The following SYNE1 variants were observed in gnomAD, a reference collection of about 807,000 sequenced individuals.
SYNE1 encodes nesprin-1.
SYNE1 carries 616 observed loss-of-function variants against 1,111.0 expected under a neutral mutation model. The ratio of observed to expected loss-of-function variants is 0.55; its 90% confidence interval spans 0.52 to 0.59. The LOEUF (loss-of-function observed/expected upper bound fraction) is 0.59. Ranked by LOEUF, SYNE1 falls within the 20% of genes least tolerant of loss-of-function variation. SYNE1 has a pLI of 0.00. For missense variants in SYNE1, 10,006 were observed against 10,417.0 expected, an observed-to-expected ratio of 0.96 and a Z score of 1.72; for synonymous variants, 3,855 against 3,825.8, an observed-to-expected ratio of 1.01 and a Z score of -0.28.
chr6:152,378,782 T>C (rs2154109968), intron 56 of SYNE1, among the ~76,000 whole-genome samples: 1 of 152,326 alleles, frequency 6.6e-6, no homozygotes, highest in East Asian at 1.9e-4. Context: ...CATCTGAGGA[T>C]ACACAGGACC....
At chr6:152,498,976 A>G (rs970034056) in intron 10 of SYNE1, among the ~76,000 whole-genome samples, 184 bp from the exon 11 acceptor site, 2 of 152,158 alleles carry the variant, frequency 1.3e-5, no homozygotes, top group African/African-American at 2.4e-5. Flanking sequence ...TTCAACTCCA[A>G]TAAGGCAACA....
rs1280048160 is a variant in SYNE1 at position 152,364,954 on chromosome 6, A to T, written c.10038T>A (p.Ser3346=). The T allele has an allele frequency of 4.3e-6, 7 of 1,614,242 alleles. No homozygotes were observed. Among genetic ancestry groups the T allele is most frequent in the African/African-American group, 1.3e-5 (1 of 75,068 alleles). The change falls in exon 63 of 146, where the codon TCT becomes TCA. Residue 3346 remains serine (S), a synonymous_variant. Coordinates refer to ENST00000367255, the MANE Select transcript of SYNE1 (RefSeq NM_182961.4). ...CTTCTGGAGAAGTATTCTGAAGGAC[A>T]GATTCTCCCCTGGTCACTATCATTT... ...QMKMIVTRGE[S]VLQNTSPEGI... is the part of the protein sequence containing the mutation.
intron 88 of SYNE1, 39 bp downstream of exon 88, chr6:152,310,649 A>G (rs1298263852): frequency 1.2e-6 from 2 of 1,609,750 alleles, no homozygotes; most frequent in South Asian, 1.1e-5. Flanking sequence ...TTTCAATGAT[A>G]GACATTTTTT....
At chr6:152,476,086 A>G (rs940439407) in intron 14 of SYNE1, among the ~76,000 whole-genome samples, 1 of 151,912 alleles carries the variant, frequency 6.6e-6, no homozygotes, top group African/African-American at 2.4e-5. Context: ...TCTTCTCTGT[A>G]TATACTTCTT....
In SYNE1 at chr6:152,323,562, A is replaced by G; in HGVS notation, c.15833T>C (p.Met5278Thr). The G allele has an allele frequency of 6.2e-7, 1 of 1,614,244 alleles. No homozygotes were observed. Among genetic ancestry groups the G allele is most frequent in the Non-Finnish European group, 8.5e-7 (1 of 1,180,038 alleles). Residue 5278 changes from methionine to threonine, a missense_variant, in exon 82 of 146, where the codon ATG becomes ACG. Physicochemically the swap from Met to Thr is moderately conservative, Grantham distance 81. Transcript: ENST00000367255. ...GGTTGGGGCGGCTCCATCCTGGAGC[A>G]TGCTCAGGGTTTGCTGCCGCAGCAT... ...LGMLRQQTLSMLQDGAAPTPG... is the reference protein window; with the variant it reads ...LGMLRQQTLSTLQDGAAPTPG...
chr6:152,620,960 G>A (rs1193121959), intron 3 of SYNE1, among the ~76,000 whole-genome samples: 3 of 152,274 alleles, frequency 2.0e-5, no homozygotes, highest in Non-Finnish European at 2.9e-5. Context: ...GAAGATAATT[G>A]TCATATTGTG....
Position 152,331,580 on chromosome 6 carries a change from C to A in SYNE1, c.13105G>T (p.Glu4369Ter). 6.2e-7 allele frequency: 1 copy of A among 1,614,120 alleles called. No individual in the cohort carries two copies. Among genetic ancestry groups the A allele is most frequent in the Non-Finnish European group, 8.5e-7 (1 of 1,180,030 alleles). The change falls in exon 78 of 146, where the codon GAG (glutamate) becomes TAG (stop). Residue 4369 changes from glutamate (E) to a stop codon, truncating the protein, a stop_gained. Transcript: ENST00000367255. LOFTEE classifies it high-confidence loss of function. ...WAEEQQPNIA[E>*]ALKQSPPPDM... ...GGAGGAGGGCTCTGCTTAAGGGCCT[C>A]GGCGATGTTGGGTTGTTGCTCTTCT...
At chr6:152,501,339 T>C (rs1463815142) in intron 10 of SYNE1, among the ~76,000 whole-genome samples, 1 of 152,132 alleles carries the variant, frequency 6.6e-6, no homozygotes, top group Non-Finnish European at 1.5e-5. Context: ...AACTTTCTGG[T>C]TGGAGTGTGA....
At chr6:152,500,751 C>T (rs2099025125) in intron 10 of SYNE1, among the ~76,000 whole-genome samples, 1 of 151,864 alleles carries the variant, frequency 6.6e-6, no homozygotes. Context: ...AGATCAAGAC[C>T]ATCCTGGCTA....
chr6:152,351,923 G>T (rs2096747959), intron 70 of SYNE1, 104 bp downstream of exon 70: 1 of 1,015,500 alleles, frequency 9.8e-7, no homozygotes, highest in Non-Finnish European at 1.5e-6. Flanking sequence ...CATGCGGGAT[G>T]CATTCCAGCA....
At chr6:152,568,699 C>T (rs1001995775) in intron 3 of SYNE1, among the ~76,000 whole-genome samples, 6 of 152,136 alleles carry the variant, frequency 3.9e-5, no homozygotes, top group African/African-American at 1.4e-4. Context: ...GCCTCCAACT[C>T]CTCGTCTCAG....
At chr6:152,336,719 T>C in intron 76 of SYNE1, 122 bp downstream of exon 76, 1 of 1,293,284 alleles carries the variant, frequency 7.7e-7, no homozygotes, top group Non-Finnish European at 1.1e-6. Context: ...CCTTAAAGAG[T>C]TGTATTAATG....
At chr6:152,189,156 G>T in intron 128 of SYNE1, 96 bp downstream of exon 128, 2 of 1,295,536 alleles carry the variant, frequency 1.5e-6, no homozygotes, top group Non-Finnish European at 2.2e-6. Context: ...TAAGAATTAT[G>T]GGCCGGGTCC....
intron 17 of SYNE1, among the ~76,000 whole-genome samples, 183 bp downstream of exon 17, chr6:152,465,799 T>C (rs1026934530): frequency 1.8e-5 from 2 of 109,894 alleles, no homozygotes; most frequent in Non-Finnish European, 3.9e-5. Flanking sequence ...ACACACACAA[T>C]GATTATGCAG....
chr6:152,396,370 A>G (rs550070), intron 50 of SYNE1, among the ~76,000 whole-genome samples: 59,193 of 151,550 alleles, frequency 0.39, 11,957 homozygotes, highest in East Asian at 0.75. Context: ...TATATTCACC[A>G]TATATTACTT....
rs1483757494 is a variant in SYNE1, at chr6:152,463,319, C to A, written c.2097+34G>T. 2.5e-6 allele frequency: 4 copies of A among 1,613,168 alleles called. No homozygotes were observed. The African/African-American group carries it at 5.3e-5, about 22-fold the overall frequency. On this transcript the variant is annotated intron_variant, in intron 19 of 145. Transcript: ENST00000367255. ...CTACTTATCACATTTGTAACACATACACGTTGAGGTGTATATAGACTTGAA... is the reference window on the plus strand; with the variant it reads ...CTACTTATCACATTTGTAACACATAAACGTTGAGGTGTATATAGACTTGAA...
rs367933064 is a variant in SYNE1 at position 152,541,479 on chromosome 6, C to T, written c.68-1458G>A. Among the ~76,000 whole-genome samples the T allele has an allele frequency of 3.3e-5, 5 of 151,896 alleles. No homozygotes were observed. In the East Asian group the frequency reaches 5.8e-4, roughly 18 times the overall value. ...ATGCCACTGAATTGGCCAGGCGTGG[C>T]GGCTCATGCCTGTAATCCCAGCACT... On this transcript the variant is annotated intron_variant, in intron 3 of 145. Coordinates refer to ENST00000367255, the MANE Select transcript of SYNE1 (RefSeq NM_182961.4).
At position 152,122,502 on chromosome 6, in the gene SYNE1, G is replaced by C; in HGVS notation, c.26328C>G (p.Leu8776=). The change falls in exon 146 of 146, where the codon CTC becomes CTG. Residue 8776 remains leucine, a synonymous_variant. Coordinates refer to ENST00000367255, the MANE Select transcript of SYNE1 (RefSeq NM_182961.4). ...PMSEEDYSCA[L]SNNFARSFHP... ...GGAATGACCGGGCAAAGTTGTTGGA[G>C]AGGGCACAGCTGTAGTCTTCCTCTG... 1 of 1,614,200 alleles carries C rather than the reference G, an allele frequency of 6.2e-7. No individual in the cohort carries two copies. The highest frequency in any genetic ancestry group is 1.1e-5 in the South Asian group (1 of 91,092).
At chr6:152,454,285 CAT>C (rs746756019) in intron 24 of SYNE1, among the ~76,000 whole-genome samples, 29 of 152,266 alleles carry the variant, frequency 1.9e-4, no homozygotes, top group Non-Finnish European at 3.5e-4. Flanking sequence ...TCTTCAGACT[CAT>C]ATGGTATTTG....
Sources: gnomAD v4.1 joint callset for allele counts (sites outside exome capture counted in the v4.1 genomes callset) on GRCh38, gnomAD v4.1.1 for gene constraint, MANE v1.5 for transcripts, NCBI Gene and HGNC (gene_info 2026-07-23, HGNC 2026-07-21) for gene names.